LRRC43: variants seen among roughly 807,000 people sequenced by gnomAD.
LRRC43 encodes leucine rich repeat containing 43, also known as leucine-rich repeat-containing protein 43.
A neutral mutation model predicts 64.3 loss-of-function variants in LRRC43; 62 were observed. That is an observed-to-expected ratio of 0.96 (90% CI 0.79 to 1.19). The LOEUF (loss-of-function observed/expected upper bound fraction) is 1.19, where lower values mean the gene tolerates loss of function less well. LRRC43 is among the 50% of genes most tolerant of loss of function. LRRC43 has a pLI of 0.00. For missense variants in LRRC43, 868 were observed against 845.0 expected, an observed-to-expected ratio of 1.03 and a Z score of -0.34; for synonymous variants, 422 against 382.3, an observed-to-expected ratio of 1.10 and a Z score of -1.21.
chr12:122,187,715 C>CAAT lies in LRRC43; in HGVS notation c.537_538insAAT (p.Tyr179_Gly180insAsn). On this transcript the variant is annotated inframe_insertion, in exon 4 of 12. Coordinates refer to ENST00000339777, the MANE Select transcript of LRRC43 (RefSeq NM_001098519.2). ...TGGTCTCCCAGGTGCTGGAGCTCTA[C>CAAT]GGCAATGAGATCAGCAGCATGGAGT... The CAAT allele has an allele frequency of 1.2e-6, 2 of 1,613,668 alleles. No individual in the cohort carries two copies. The highest frequency in any genetic ancestry group is 3.3e-5 in the Admixed American group (2 of 59,998).
In LRRC43 at chr12:122,169,715, CAA is replaced by C. The variant is rs1156784202; in HGVS notation, c.-406+1956_-406+1957del. ...TGGGCGACAGAGCGAGACTCCGTCT[CAA>C]AAAAAAAAAAAAAAAAAAAAAAGAA... On this transcript the variant is annotated intron_variant, in intron 1 of 5. Coordinates refer to the LRRC43 transcript ENST00000537729. 1.0e-2 allele frequency among the ~76,000 whole-genome samples: 492 copies of C among 49,418 alleles called. 2 individuals are homozygous for C. Among genetic ancestry groups the C allele is most frequent in the African/African-American group, 0.029 (451 of 15,716 alleles). The allele number at this position is 49,418 out of a possible 152,430, so 32.4% of individuals were successfully genotyped here. A position where few individuals can be genotyped will look rare whatever the true frequency, so the allele number is the denominator to read the frequency against.
At position 122,186,645 on chromosome 12, in the gene LRRC43, G is replaced by A. The variant is rs7131925; in HGVS notation, c.522+345G>A. ...ACAAAAAAATGTGGACAGGCCAGGCGCGGTGGCTCACACCTGTAATCCCAG... is the reference window on the plus strand; with the variant it reads ...ACAAAAAAATGTGGACAGGCCAGGCACGGTGGCTCACACCTGTAATCCCAG... On this transcript the variant is annotated intron_variant, in intron 3 of 11. Transcript: ENST00000339777. Among the ~76,000 whole-genome samples, 1,305 of 152,290 alleles carry A rather than the reference G, an allele frequency of 8.6e-3. 22 individuals carry two copies. Among genetic ancestry groups the A allele is most frequent in the African/African-American group, 0.029 (1,216 of 41,548 alleles).
intron 1 of LRRC43, among the ~76,000 whole-genome samples, chr12:122,169,458 G>A (rs910063245): frequency 2.0e-5 from 3 of 152,090 alleles, no homozygotes; most frequent in Admixed American, 2.0e-4. Flanking sequence ...GCTCATTCCT[G>A]TAATTCCAGC....
At chr12:122,179,969 CAAAAAAA>C (rs59930172), upstream of LRRC43, among the ~76,000 whole-genome samples, 2 of 46,670 alleles carry the variant, frequency 4.3e-5, no homozygotes, top group Non-Finnish European at 1.0e-4. Flanking sequence ...GACTCCGTCT[CAAAAAAA>C]AAAAAAAAAA....
chr12:122,174,308 C>G, intron 1 of LRRC43: 1 of 967,582 alleles, frequency 1.0e-6, no homozygotes, highest in Non-Finnish European at 1.6e-6. Flanking sequence ...AAACCATTTA[C>G]TCAGCTTTTC....
chr12:122,181,844 G>A (rs562864091), upstream of LRRC43, among the ~76,000 whole-genome samples: 59 of 151,470 alleles, frequency 3.9e-4, no homozygotes, highest in African/African-American at 1.3e-3. Flanking sequence ...GACCTCAGGT[G>A]ATCCACCCAC....
At chr12:122,196,179 C>T (rs1250706599) in intron 7 of LRRC43, among the ~76,000 whole-genome samples, 1 of 152,154 alleles carries the variant, frequency 6.6e-6, no homozygotes, top group Non-Finnish European at 1.5e-5. Flanking sequence ...TATGACTGTT[C>T]TCAGCAGGAA....
Position 122,200,967 on chromosome 12 carries a change from C to T in LRRC43, c.1809+33C>T, listed in dbSNP as rs1359381451. 4 of 1,549,768 alleles carry T rather than the reference C, an allele frequency of 2.6e-6. No individual in the cohort carries two copies. The highest frequency in any genetic ancestry group is 4.5e-5 in the East Asian group (2 of 44,456). On this transcript the variant is annotated intron_variant, in intron 10 of 11. Transcript: ENST00000339777. This position sits in a 1 kb window ranked among gnomAD's most constrained non-coding sequence, Gnocchi z 4.6. ...CGGGCCCTAGCCACATCCTCCACCT[C>T]TGCCTTCGCCCTCCCCATGGGAACC...
chr12:122,201,571 A>T (rs1953839336), intron 11 of LRRC43, among the ~76,000 whole-genome samples: 1 of 152,128 alleles, frequency 6.6e-6, no homozygotes, highest in East Asian at 1.9e-4. Flanking sequence ...GCGGGGCAAG[A>T]GCTTGGAGCT....
rs184792850 is a variant in LRRC43, at chr12:122,192,810, C to T, written c.1155C>T (p.Asp385=). The T allele has an allele frequency of 7.4e-6, 12 of 1,614,118 alleles. No individual in the cohort carries two copies. Among genetic ancestry groups the T allele is most frequent in the African/African-American group, 6.7e-5 (5 of 75,028 alleles). The part of the protein sequence containing the change: ...VEESPEEVVE[D]VIEDIVEEVT... ...AATCTCCTGAAGAGGTCGTGGAAGA[C>T]GTCATCGAAGACATTGTTGAAGAGG... is the stretch of plus-strand genomic sequence containing the variant. Residue 385 remains aspartate (D), a synonymous_variant, in exon 7 of 12, where the codon GAC becomes GAT. Coordinates refer to ENST00000339777, the MANE Select transcript of LRRC43 (RefSeq NM_001098519.2).
At chr12:122,191,291 T>C (rs67189233) in intron 5 of LRRC43, 89 bp from the exon 6 acceptor site, 262,030 of 1,122,656 alleles carry the variant, frequency 0.23, 35,362 homozygotes, top group African/African-American at 0.55. Flanking sequence ...GGAGAGAATC[T>C]AGGGACCCGT....
chr12:122,173,539 C>G (rs940678232), intron 1 of LRRC43, among the ~76,000 whole-genome samples: 1 of 152,154 alleles, frequency 6.6e-6, no homozygotes, highest in Non-Finnish European at 1.5e-5. Flanking sequence ...TGAAAATTAG[C>G]TGGGCGTGGT....
intron 4 of LRRC43, chr12:122,189,545 T>C (rs1484325074): frequency 2.2e-6 from 1 of 455,800 alleles, no homozygotes; most frequent in Non-Finnish European, 4.4e-6. Flanking sequence ...CTGCCCTGTG[T>C]CTTGGTCTGG....
intron 1 of LRRC43, among the ~76,000 whole-genome samples, chr12:122,169,063 C>T (rs1953462941): frequency 6.6e-6 from 1 of 152,126 alleles, no homozygotes; most frequent in African/African-American, 2.4e-5. Context: ...GATACCCAAG[C>T]GTGGGCTCAC....
At chr12:122,198,563 T>C (rs1953794751) in intron 7 of LRRC43, among the ~76,000 whole-genome samples, 9 of 151,892 alleles carry the variant, frequency 5.9e-5, no homozygotes. Context: ...CTTCTTTCAC[T>C]GAGCATCATG....
chr12:122,200,308 C>CCA lies in LRRC43; in HGVS notation c.1470_1471insAC (p.Val491ThrfsTer2). 1 of 1,611,516 alleles carries CCA rather than the reference C, an allele frequency of 6.2e-7. No individual in the cohort carries two copies. ...AAGGCCTTCCTGCTGGCGGGGACCACCGTGACCATCGTGGAGGAGAAGGTG... is the reference window on the plus strand; with the variant it reads ...AAGGCCTTCCTGCTGGCGGGGACCACCACGTGACCATCGTGGAGGAGAAGGTG... On this transcript the variant is annotated frameshift_variant, in exon 8 of 12. Transcript: ENST00000339777. LOFTEE classifies it high-confidence loss of function. This position sits in a 1 kb window ranked among gnomAD's most constrained non-coding sequence, Gnocchi z 4.6.
chr12:122,203,303 A>C lies in LRRC43; in HGVS notation c.1844-12A>C, dbSNP rs1953865233. 1 of 1,610,004 alleles carries C rather than the reference A, an allele frequency of 6.2e-7. No individual in the cohort carries two copies. Among genetic ancestry groups the C allele is most frequent in the Non-Finnish European group, 8.5e-7 (1 of 1,179,586 alleles). On this transcript the variant is annotated splice_polypyrimidine_tract_variant and intron_variant, in intron 11 of 11. Transcript: ENST00000339777. ...TCTCCCGGGGCTCATGCTCGCACTTAAATTTTCTCAGAAAAGCCGAAAGCC... is the reference window on the plus strand; with the variant it reads ...TCTCCCGGGGCTCATGCTCGCACTTCAATTTTCTCAGAAAAGCCGAAAGCC...
chr12:122,180,626 A>C (rs10847516), upstream of LRRC43, among the ~76,000 whole-genome samples: 1 of 151,960 alleles, frequency 6.6e-6, no homozygotes, highest in Non-Finnish European at 1.5e-5. Context: ...CTTGGGATGA[A>C]GGGTGGAAGG....
At chr12:122,201,458 C>G (rs1034752372) in intron 11 of LRRC43, 129 bp downstream of exon 11, 1 of 786,816 alleles carries the variant, frequency 1.3e-6, no homozygotes, top group East Asian at 2.4e-5. Flanking sequence ...AGGCCACATC[C>G]CCCCTTAGAT....
Sources: allele counts gnomAD v4.1 joint callset (sites outside exome capture counted in the v4.1 genomes callset), GRCh38; gene constraint gnomAD v4.1.1; non-coding constraint Gnocchi (gnomAD v3.1); transcripts MANE v1.5; gene names NCBI Gene and HGNC (gene_info 2026-07-23, HGNC 2026-07-21).